MAN2A1: variants seen among roughly 807,000 people sequenced by gnomAD.
The protein encoded by MAN2A1 is alpha-mannosidase 2.
In MAN2A1, 76 loss-of-function variants were observed where a neutral mutation model predicts 142.6. The observed-to-expected ratio is 0.53, with a 90% CI of 0.44 to 0.65. MAN2A1 has a LOEUF of 0.65. MAN2A1 is among the 30% of genes least tolerant of loss of function. The pLI, the probability that MAN2A1 is intolerant of heterozygous loss-of-function variation, is 0.00. For missense variants in MAN2A1, 1,311 were observed against 1,365.1 expected (o/e 0.96, Z 0.62); for synonymous variants, 559 against 473.2 (o/e 1.18, Z -2.35).
At chr5:109,747,835 A>G (rs987298157) in intron 4 of MAN2A1, among the ~76,000 whole-genome samples, 1 of 152,164 alleles carries the variant, frequency 6.6e-6, no homozygotes. Context: ...TAATTTTTTC[A>G]TCACCATGCT....
At chr5:109,744,375 G>T (rs185396375) in intron 4 of MAN2A1, among the ~76,000 whole-genome samples, 1 of 152,252 alleles carries the variant, frequency 6.6e-6, no homozygotes, top group East Asian at 1.9e-4. Context: ...GGGTGTCAGA[G>T]GGCAGAGAAG....
intron 17 of MAN2A1, 90 bp from the exon 18 acceptor site, chr5:109,845,775 C>G: frequency 2.1e-6 from 2 of 954,914 alleles, no homozygotes; most frequent in Non-Finnish European, 3.0e-6. Context: ...TTGTCTTTTT[C>G]TCTTGGGAAG....
intron 8 of MAN2A1, among the ~76,000 whole-genome samples, chr5:109,781,158 C>A (rs1041044108): frequency 2.0e-5 from 3 of 152,150 alleles, no homozygotes; most frequent in Admixed American, 2.0e-4. Context: ...AAATAGCTCT[C>A]CTTTTAACTG....
chr5:109,759,999 A>G (rs1213488260), intron 5 of MAN2A1, among the ~76,000 whole-genome samples: 1 of 146,058 alleles, frequency 6.8e-6, no homozygotes, highest in Non-Finnish European at 1.5e-5. Flanking sequence ...AGATAGATAG[A>G]TAGATACTTT....
intron 7 of MAN2A1, among the ~76,000 whole-genome samples, chr5:109,774,545 C>T (rs1025400270): frequency 6.6e-6 from 1 of 151,894 alleles, no homozygotes; most frequent in African/African-American, 2.4e-5. Flanking sequence ...CATTGGAAAC[C>T]TATGAGTTTT....
chr5:109,697,409 G>T (rs1478024846), intron 1 of MAN2A1, among the ~76,000 whole-genome samples: 1 of 152,182 alleles, frequency 6.6e-6, no homozygotes, highest in South Asian at 2.1e-4. Flanking sequence ...TGGGGTGGAG[G>T]TGGGAGGTTA....
chr5:109,713,172 C>T (rs949012163), intron 1 of MAN2A1, among the ~76,000 whole-genome samples: 1 of 152,116 alleles, frequency 6.6e-6, no homozygotes, highest in African/African-American at 2.4e-5. Context: ...AAATTTCATA[C>T]CTGAATATAA....
At chr5:109,819,093 A>G (rs940940619) in intron 13 of MAN2A1, among the ~76,000 whole-genome samples, 1 of 152,202 alleles carries the variant, frequency 6.6e-6, no homozygotes, top group Non-Finnish European at 1.5e-5. Context: ...GTACCCATAC[A>G]ACTATTCTAT....
At chr5:109,791,423 A>G (rs1292108841) in intron 12 of MAN2A1, among the ~76,000 whole-genome samples, 1 of 152,034 alleles carries the variant, frequency 6.6e-6, no homozygotes, top group Non-Finnish European at 1.5e-5. Flanking sequence ...GAAGAATTTG[A>G]TTGTTTTATT....
At chr5:109,723,444 T>C (rs1230145493) in intron 3 of MAN2A1, among the ~76,000 whole-genome samples, 3 of 152,152 alleles carry the variant, frequency 2.0e-5, no homozygotes, top group African/African-American at 4.8e-5. Flanking sequence ...TCTTGGAAAC[T>C]TAGTCGATTA....
chr5:109,806,441 A>C (rs924981051), intron 12 of MAN2A1, among the ~76,000 whole-genome samples: 5 of 152,236 alleles, frequency 3.3e-5, no homozygotes, highest in Non-Finnish European at 2.9e-5. Flanking sequence ...TAAGATTACC[A>C]TAACATCTGA....
chr5:109,783,902 G>C (rs1366966703), intron 9 of MAN2A1, among the ~76,000 whole-genome samples: 1 of 151,788 alleles, frequency 6.6e-6, no homozygotes, highest in Non-Finnish European at 1.5e-5. Context: ...GTCTTGCTCT[G>C]TTGCCCAGGC....
intron 20 of MAN2A1, among the ~76,000 whole-genome samples, chr5:109,857,266 A>T (rs1755648326): frequency 6.6e-6 from 1 of 152,244 alleles, no homozygotes; most frequent in African/African-American, 2.4e-5. Context: ...AGGATCTCAA[A>T]AACTATTTTG....
chr5:109,869,516 T>C lies in MAN2A1; in HGVS notation c.*2518T>C, dbSNP rs1755959939. The C allele has an allele frequency of 1.3e-5, 2 of 152,214 alleles. No individual in the cohort carries two copies. The highest frequency in any genetic ancestry group is 4.8e-5 in the African/African-American group (2 of 41,454). The allele number at this position is 152,214 out of a possible 1,614,324, so 9.4% of individuals were successfully genotyped here. Reference sequence around the variant, plus strand: ...AAAATGTTTGCTTTCATTTTGATCATTTTGTTCACCTTGGAATCAACAGGT... The same window carrying C: ...AAAATGTTTGCTTTCATTTTGATCACTTTGTTCACCTTGGAATCAACAGGT... On this transcript the variant is annotated 3_prime_UTR_variant, in exon 22 of 22. Coordinates refer to ENST00000261483, the MANE Select transcript of MAN2A1 (RefSeq NM_002372.4).
intron 18 of MAN2A1, 101 bp downstream of exon 18, chr5:109,846,107 C>T (rs1466976248): frequency 1.9e-6 from 2 of 1,046,054 alleles, no homozygotes; most frequent in Non-Finnish European, 2.6e-6. Flanking sequence ...TTAAAACCTC[C>T]CTGTCTTCTT....
chr5:109,716,080 T>C (rs1751443968), intron 2 of MAN2A1, 40 bp from the exon 3 acceptor site: 3 of 1,389,970 alleles, frequency 2.2e-6, no homozygotes, highest in Non-Finnish European at 1.0e-6. Context: ...ATTAAATTAA[T>C]AATTGTTAAA....
intron 1 of MAN2A1, among the ~76,000 whole-genome samples, chr5:109,690,837 C>T (rs954126863): frequency 1.3e-5 from 2 of 152,136 alleles, no homozygotes; most frequent in African/African-American, 2.4e-5. Flanking sequence ...GTTGGGGTGG[C>T]TTCGGGCACC....
chr5:109,730,672 C>T (rs1012208934), intron 4 of MAN2A1, among the ~76,000 whole-genome samples: 7 of 152,088 alleles, frequency 4.6e-5, no homozygotes, highest in African/African-American at 1.7e-4. Context: ...ACTTATACAG[C>T]GCTTACTGTA....
At chr5:109,861,341 G>A (rs1359743855) in intron 20 of MAN2A1, among the ~76,000 whole-genome samples, 1 of 149,036 alleles carries the variant, frequency 6.7e-6, no homozygotes. Context: ...CACTAATAAT[G>A]AGGTAAAAAC....
Sources: allele counts gnomAD v4.1 joint callset (sites outside exome capture counted in the v4.1 genomes callset), GRCh38; gene constraint gnomAD v4.1.1; transcripts MANE v1.5; gene names NCBI Gene and HGNC (gene_info 2026-07-23, HGNC 2026-07-21).